CACNA1B: variants seen among roughly 807,000 people sequenced by gnomAD.
The protein encoded by CACNA1B is voltage-dependent N-type calcium channel subunit alpha-1B.
A neutral mutation model predicts 247.2 loss-of-function variants in CACNA1B; 70 were observed. That is an observed-to-expected ratio of 0.28 (90% CI 0.23 to 0.35). The LOEUF is 0.35. Ranked by LOEUF, CACNA1B falls within the 10% of genes least tolerant of loss-of-function variation. The pLI is 1.00. For missense variants in CACNA1B, 2,367 were observed against 3,197.4 expected (o/e 0.74, Z 6.26); for synonymous variants, 1,231 against 1,294.4 (o/e 0.95, Z 1.05).
At chr9:138,002,478 G>A (rs1406771064) in intron 15 of CACNA1B, among the ~76,000 whole-genome samples, 1 of 151,662 alleles carries the variant, frequency 6.6e-6, no homozygotes, top group Non-Finnish European at 1.5e-5. Flanking sequence ...GGAGGCTGAG[G>A]TGGGAGTATC....
intron 18 of CACNA1B, among the ~76,000 whole-genome samples, chr9:138,016,767 G>T (rs1353169054): frequency 6.6e-6 from 1 of 152,208 alleles, no homozygotes. Flanking sequence ...GCCTCCCGCC[G>T]CAGGGTGCAG....
rs1959567077 is a variant in CACNA1B, at chr9:138,057,769, G to A, written c.4006G>A (p.Ala1336Thr). The change falls in exon 27 of 47, where the codon GCT becomes ACT. Residue 1336 changes from alanine to threonine, a missense_variant. Physicochemically the swap from Ala to Thr is moderately conservative, Grantham distance 58 (BLOSUM62 0). This residue lies in a region of CACNA1B where 436 missense variants were observed against 679.5 expected (regional missense o/e 0.64). Coordinates refer to ENST00000371372, the MANE Select transcript of CACNA1B (RefSeq NM_000718.4). The surrounding 1 kb of genome is among the most constrained non-coding windows in gnomAD (Gnocchi z 4.0). Reference sequence around the variant, plus strand: ...GGATTATGAGAAGGAGGAAGTGGAAGCTCAGCCCAGGCAGTGGAAGAAATA... The same window carrying A: ...GGATTATGAGAAGGAGGAAGTGGAAACTCAGCCCAGGCAGTGGAAGAAATA... Reference protein sequence around the residue: ...YLDYEKEEVEAQPRQWKKYDF... With the variant: ...YLDYEKEEVETQPRQWKKYDF... 1 of 1,612,628 alleles carries A rather than the reference G, an allele frequency of 6.2e-7. No individual in the cohort carries two copies. The highest frequency in any genetic ancestry group is 8.5e-7 in the Non-Finnish European group (1 of 1,179,240).
At chr9:138,043,730 C>T (rs773740711) in intron 20 of CACNA1B, 44 bp from the exon 21 acceptor site, 3 of 1,611,336 alleles carry the variant, frequency 1.9e-6, no homozygotes, top group Admixed American at 1.7e-5. Flanking sequence ...ACGTGGGCTT[C>T]ATGTGCACTA....
chr9:137,961,696 C>G (rs760262901), intron 10 of CACNA1B, among the ~76,000 whole-genome samples: 58 of 152,168 alleles, frequency 3.8e-4, no homozygotes, highest in Non-Finnish European at 3.4e-4. Flanking sequence ...TTGAACCAAC[C>G]TTGCATCCCA....
chr9:138,043,914 C>T lies in CACNA1B; in HGVS notation c.3413+14C>T, dbSNP rs375079839. 6.2e-7 allele frequency: 1 copy of T among 1,610,888 alleles called. No individual in the cohort carries two copies. The highest frequency in any genetic ancestry group is 8.5e-7 in the Non-Finnish European group (1 of 1,177,442). On this transcript the variant is annotated intron_variant, in intron 21 of 46. Coordinates refer to ENST00000371372, the MANE Select transcript of CACNA1B (RefSeq NM_000718.4). ...CCCCACCAACCTGTGAGTCTCCTTG[C>T]CTGCTGGTGTGTGTGGCCGCCCACT...
At chr9:137,994,104 A>G (rs770080887) in intron 15 of CACNA1B, among the ~76,000 whole-genome samples, 10 of 152,218 alleles carry the variant, frequency 6.6e-5, no homozygotes, top group Admixed American at 2.0e-4. Flanking sequence ...AAATCACACA[A>G]TCATCTCAAT....
chr9:137,890,037 G>A (rs1267625687), intron 3 of CACNA1B: 6 of 149,384 alleles, frequency 4.0e-5, no homozygotes, highest in African/African-American at 1.5e-4. Flanking sequence ...CTGTGCTTGG[G>A]AGGCTGACCC....
In CACNA1B at chr9:137,940,326, T is replaced by C. The variant is rs1021273586; in HGVS notation, c.967-11948T>C. 2.6e-4 allele frequency among the ~76,000 whole-genome samples: 39 copies of C among 152,152 alleles called. 1 individual carries two copies. The highest frequency in any genetic ancestry group is 4.3e-4 in the Non-Finnish European group (29 of 68,034). On this transcript the variant is annotated intron_variant, in intron 6 of 46. Coordinates refer to ENST00000371372, the MANE Select transcript of CACNA1B (RefSeq NM_000718.4). Reference sequence around the variant, plus strand: ...TGTAAACTAGAAAACCTAGAGGAGATGGATAAATTCCTGGAATGATACAAC... The same window carrying C: ...TGTAAACTAGAAAACCTAGAGGAGACGGATAAATTCCTGGAATGATACAAC...
intron 25 of CACNA1B, among the ~76,000 whole-genome samples, chr9:138,053,525 A>G (rs1959370143): frequency 6.6e-6 from 1 of 151,856 alleles, no homozygotes; most frequent in Non-Finnish European, 1.5e-5. Context: ...CTCCCTTCAC[A>G]TCCTTTCCTG....
chr9:137,921,664 A>G (rs1957481687), intron 6 of CACNA1B, among the ~76,000 whole-genome samples: 3 of 144,880 alleles, frequency 2.1e-5, no homozygotes, highest in African/African-American at 2.7e-5. Flanking sequence ...ACCGCACAGC[A>G]TCCTGGGAGC....
At chr9:138,061,260 G>A (rs539987039) in intron 31 of CACNA1B, among the ~76,000 whole-genome samples, 1 of 152,292 alleles carries the variant, frequency 6.6e-6, no homozygotes, top group African/African-American at 2.4e-5. Context: ...AAGTGACCAG[G>A]TGGCCACCAT....
At position 137,973,295 on chromosome 9, in the gene CACNA1B, C is replaced by G. The variant is rs1185559722; in HGVS notation, c.1543+1703C>G. Among the ~76,000 whole-genome samples the G allele has an allele frequency of 1.3e-5, 2 of 152,148 alleles. No individual in the cohort carries two copies. The highest frequency in any genetic ancestry group is 2.9e-5 in the Non-Finnish European group (2 of 68,028). On this transcript the variant is annotated intron_variant, in intron 11 of 46. Transcript: ENST00000371372. The surrounding 1 kb of genome is among the most constrained non-coding windows in gnomAD (Gnocchi z 4.1). ...GGCTGGAGGGAAATGTGGGCAGTGT[C>G]CCTGACAGCCGGGCTGGGCCTGAGG...
At chr9:137,936,059 G>C (rs563496836) in intron 6 of CACNA1B, among the ~76,000 whole-genome samples, 1 of 152,192 alleles carries the variant, frequency 6.6e-6, no homozygotes, top group East Asian at 1.9e-4. Flanking sequence ...GGGTTTCACC[G>C]TGTTAGCCAG....
chr9:138,113,720 G>A (rs1319059193), intron 40 of CACNA1B, among the ~76,000 whole-genome samples: 2 of 137,344 alleles, frequency 1.5e-5, no homozygotes, highest in Non-Finnish European at 1.6e-5. Context: ...TGCGGGAGAC[G>A]TGAGGGAGTG....
chr9:138,079,049 G>A (rs1960424845), intron 36 of CACNA1B, among the ~76,000 whole-genome samples: 1 of 152,204 alleles, frequency 6.6e-6, no homozygotes, highest in South Asian at 2.1e-4. Flanking sequence ...TCGTGGGGCT[G>A]CATGCTATTT....
At chr9:137,959,285 C>T (rs774356575) in intron 10 of CACNA1B, among the ~76,000 whole-genome samples, 5 of 152,156 alleles carry the variant, frequency 3.3e-5, no homozygotes, top group Non-Finnish European at 5.9e-5. Flanking sequence ...GTTGGCCTGG[C>T]TGTTCTCGAA....
At chr9:138,035,856 GT>G (rs953576768) in intron 20 of CACNA1B, among the ~76,000 whole-genome samples, 2 of 152,112 alleles carry the variant, frequency 1.3e-5, no homozygotes, top group Admixed American at 1.3e-4. Flanking sequence ...AAAACTTTAA[GT>G]TTCTCTCTGA....
intron 19 of CACNA1B, among the ~76,000 whole-genome samples, chr9:138,024,543 G>T (rs1958896199): frequency 6.6e-6 from 1 of 152,192 alleles, no homozygotes; most frequent in African/African-American, 2.4e-5. Flanking sequence ...CGTACAGAAG[G>T]CCAGAGTAGC....
In CACNA1B at chr9:137,880,000, G is replaced by A. The variant is rs559373820; in HGVS notation, c.390+841G>A. ...GGCAGAGCAAGTGGGGGCCCAGGGG[G>A]TGCGGGGCCAGAGGCGTCCAGGAGA... On this transcript the variant is annotated intron_variant, in intron 2 of 46. Coordinates refer to ENST00000371372, the MANE Select transcript of CACNA1B (RefSeq NM_000718.4). Among the ~76,000 whole-genome samples, 179 of 152,352 alleles carry A rather than the reference G, an allele frequency of 1.2e-3. 1 individual carries two copies. Among genetic ancestry groups the A allele is most frequent in the Non-Finnish European group, 2.1e-3 (146 of 68,030 alleles).
Sources: gnomAD v4.1 joint callset for allele counts (sites outside exome capture counted in the v4.1 genomes callset) on GRCh38, gnomAD v4.1.1 for gene constraint, gnomAD v4.1.1 regional missense constraint, Gnocchi (gnomAD v3.1) non-coding constraint, MANE v1.5 for transcripts, NCBI Gene and HGNC (gene_info 2026-07-23, HGNC 2026-07-21) for gene names.